BICDL1: variants seen among roughly 807,000 people sequenced by gnomAD.
The protein encoded by BICDL1 is BICD family like cargo adaptor 1.
In BICDL1, 20 loss-of-function variants were observed where a neutral mutation model predicts 76.8. The ratio of observed to expected loss-of-function variants is 0.26; its 90% CI spans 0.18 to 0.38. The LOEUF (loss-of-function observed/expected upper bound fraction) is 0.38, where lower values mean the gene tolerates loss of function less well. Ranked by LOEUF, BICDL1 falls within the 10% of genes least tolerant of loss-of-function variation. The probability of loss-of-function intolerance (pLI) is 1.00; values close to 1 mark genes in which losing one functional copy is unlikely to be tolerated. For synonymous variants in BICDL1, 383 were observed against 337.1 expected, an observed-to-expected ratio of 1.14 and a Z score of -1.49; for missense variants, 700 against 798.6, an observed-to-expected ratio of 0.88 and a Z score of 1.49.
chr12:120,059,833 C>T (rs1258682781), intron 2 of BICDL1, among the ~76,000 whole-genome samples: 1 of 152,060 alleles, frequency 6.6e-6, no homozygotes, highest in Non-Finnish European at 1.5e-5. Context: ...CCACCTCAGC[C>T]TCCCAAGTAG....
chr12:120,030,689 A>G (rs1029839924), intron 2 of BICDL1, among the ~76,000 whole-genome samples: 2 of 152,244 alleles, frequency 1.3e-5, no homozygotes, highest in African/African-American at 4.8e-5. Flanking sequence ...GACCCACATC[A>G]CTAAAATAGT....
chr12:120,048,802 G>T (rs908750785), intron 2 of BICDL1, among the ~76,000 whole-genome samples: 1 of 152,080 alleles, frequency 6.6e-6, no homozygotes, highest in Non-Finnish European at 1.5e-5. Context: ...ACACAGAAAG[G>T]CTTATTAAAC....
chr12:120,050,832 G>A (rs5028648), intron 2 of BICDL1, among the ~76,000 whole-genome samples: 130,554 of 152,020 alleles, frequency 0.86, 56,532 homozygotes, highest in East Asian at 1. Flanking sequence ...GAATTCTTCA[G>A]TGTTGCCTTG....
intron 1 of BICDL1, among the ~76,000 whole-genome samples, chr12:119,996,452 G>A (rs1435832868): frequency 2.6e-5 from 4 of 152,158 alleles, no homozygotes. Flanking sequence ...TTTCTTGCAT[G>A]ACTGTAAGCT....
At chr12:120,045,671 A>G (rs1166096257) in intron 2 of BICDL1, among the ~76,000 whole-genome samples, 1 of 151,736 alleles carries the variant, frequency 6.6e-6, no homozygotes, top group African/African-American at 2.4e-5. Context: ...TCGCAAGAAC[A>G]AAAAACCAGA....
chr12:120,024,392 C>T (rs1402778968), intron 2 of BICDL1, among the ~76,000 whole-genome samples: 1 of 152,034 alleles, frequency 6.6e-6, no homozygotes, highest in Non-Finnish European at 1.5e-5. Flanking sequence ...TTAGACATTA[C>T]AAGAGAAAAG....
intron 8 of BICDL1, among the ~76,000 whole-genome samples, chr12:120,084,075 T>C (rs540973239): frequency 6.6e-5 from 10 of 152,200 alleles, no homozygotes; most frequent in African/African-American, 2.4e-4. Context: ...TGATCTTGGC[T>C]CACTGCAAAC....
rs1425881635 is a variant in BICDL1 at position 120,057,084 on chromosome 12, A to T, written c.646-4626A>T. ...TTCAGGCTGTCCTCCTCCACCTCTG[A>T]TGCAGAATTTGATGCTGTGGTTGTA... On this transcript the variant is annotated intron_variant, in intron 2 of 9. Coordinates refer to ENST00000548673, the MANE Select transcript of BICDL1 (RefSeq NM_001367886.1). 3 of 522,538 alleles carry T rather than the reference A, an allele frequency of 5.7e-6. No individual in the cohort carries two copies. The East Asian group carries it at 1.6e-4, about 29-fold the overall frequency. 32.4% of individuals were successfully genotyped at this position (522,538 alleles called of 1,614,324 possible).
intron 2 of BICDL1, among the ~76,000 whole-genome samples, chr12:120,017,888 T>C (rs1952098188): frequency 1.3e-5 from 2 of 152,232 alleles, no homozygotes; most frequent in Admixed American, 1.3e-4. Flanking sequence ...AGATTAATAG[T>C]AGTCTGCTTT....
intron 3 of BICDL1, among the ~76,000 whole-genome samples, chr12:120,062,681 C>G (rs1953131179): frequency 6.6e-6 from 1 of 152,304 alleles, no homozygotes; most frequent in African/African-American, 2.4e-5. Context: ...CTGTCAATAT[C>G]TTCTCTTTTC....
intron 2 of BICDL1, chr12:120,000,436 T>C: frequency 6.6e-6 from 1 of 152,252 alleles, no homozygotes; most frequent in Admixed American, 6.5e-5. Flanking sequence ...TAAAAATTTT[T>C]ATGTTTTTGA....
chr12:119,991,275 A>G (rs1180525560), intron 1 of BICDL1, among the ~76,000 whole-genome samples: 2 of 152,370 alleles, frequency 1.3e-5, no homozygotes, highest in East Asian at 3.9e-4. Flanking sequence ...GCAAGACAAT[A>G]GTACAGACCT....
rs140755816 is a variant in BICDL1, at chr12:120,078,188, C to T, written c.1453-2699C>T. ...CCTCTTGATTCCTTTCCTCATGGAGCACCCCTGTCTCTGTCTTGTCACAGT... is the reference window on the plus strand; with the variant it reads ...CCTCTTGATTCCTTTCCTCATGGAGTACCCCTGTCTCTGTCTTGTCACAGT... On this transcript the variant is annotated intron_variant, in intron 7 of 9. Coordinates refer to ENST00000548673, the MANE Select transcript of BICDL1 (RefSeq NM_001367886.1). 3.1e-3 allele frequency among the ~76,000 whole-genome samples: 478 copies of T among 152,278 alleles called. 1 individual carries two copies. The highest frequency in any genetic ancestry group is 9.8e-3 in the African/African-American group (409 of 41,542).
At chr12:120,049,463 C>T (rs900839613) in intron 2 of BICDL1, among the ~76,000 whole-genome samples, 3 of 152,144 alleles carry the variant, frequency 2.0e-5, no homozygotes, top group African/African-American at 4.8e-5. Context: ...TATTTGTGGT[C>T]GTTAGGGGAA....
At chr12:120,051,738 T>C (rs917456993) in intron 2 of BICDL1, among the ~76,000 whole-genome samples, 3 of 152,230 alleles carry the variant, frequency 2.0e-5, no homozygotes, top group Non-Finnish European at 4.4e-5. Context: ...TTTGTAATCA[T>C]AGTGCAGTTA....
intron 2 of BICDL1, among the ~76,000 whole-genome samples, chr12:120,038,731 A>G (rs934110928): frequency 4.6e-5 from 7 of 152,158 alleles, no homozygotes; most frequent in African/African-American, 9.7e-5. Flanking sequence ...AATAAGGCCT[A>G]TTTTAGGGAG....
Position 119,989,885 on chromosome 12 carries a change from T to C in BICDL1, c.17T>C (p.Leu6Pro). The change falls in exon 1 of 10, where the codon CTG becomes CCG. Residue 6 changes from leucine to proline, a missense_variant. Coordinates refer to ENST00000548673, the MANE Select transcript of BICDL1 (RefSeq NM_001367886.1). Reference sequence around the variant, plus strand: ...GCGCGGGCCATGTCCGCTTTCTGCCTGGGCTTGGTCGGCCGCGCTTCAGCA... The same window carrying C: ...GCGCGGGCCATGTCCGCTTTCTGCCCGGGCTTGGTCGGCCGCGCTTCAGCA... MSAFC[L>P]GLVGRASAPA... The C allele has an allele frequency of 7.0e-7, 1 of 1,431,054 alleles. No homozygotes were observed. Among genetic ancestry groups the C allele is most frequent in the Non-Finnish European group, 9.1e-7 (1 of 1,104,190 alleles). 88.6% of individuals were successfully genotyped at this position (1,431,054 alleles called of 1,614,324 possible).
intron 2 of BICDL1, among the ~76,000 whole-genome samples, chr12:120,022,414 A>T (rs944491371): frequency 2.0e-5 from 3 of 147,180 alleles, no homozygotes; most frequent in South Asian, 2.1e-4. Context: ...ATATATATTT[A>T]TATATATATT....
intron 7 of BICDL1, among the ~76,000 whole-genome samples, chr12:120,076,364 ATT>A (rs1594204906): frequency 6.6e-6 from 1 of 152,218 alleles, no homozygotes; most frequent in Non-Finnish European, 1.5e-5. Context: ...AGTTTTGCTT[ATT>A]TTAAAGCCTA....
Sources: gnomAD v4.1 joint callset for allele counts (sites outside exome capture counted in the v4.1 genomes callset) on GRCh38, gnomAD v4.1.1 for gene constraint, MANE v1.5 for transcripts, NCBI Gene and HGNC (gene_info 2026-07-23, HGNC 2026-07-21) for gene names.